SLC22A23: variants seen among roughly 807,000 people sequenced by gnomAD.
SLC22A23 encodes solute carrier family 22 member 23.
SLC22A23 carries 26 observed loss-of-function variants against 61.0 expected under a neutral mutation model. That is an observed-to-expected ratio of 0.43 (90% CI 0.31 to 0.59). The LOEUF is 0.59. SLC22A23 is among the 20% of genes least tolerant of loss of function. The probability of loss-of-function intolerance (pLI) is 0.11; values close to 1 mark genes in which losing one functional copy is unlikely to be tolerated. For synonymous variants in SLC22A23, 430 were observed against 413.9 expected, an observed-to-expected ratio of 1.04 and a Z score of -0.47; for missense variants, 796 against 934.7, an observed-to-expected ratio of 0.85 and a Z score of 1.94.
At chr6:3,413,502 G>A (rs1030252322) in intron 2 of SLC22A23, among the ~76,000 whole-genome samples, 3 of 152,234 alleles carry the variant, frequency 2.0e-5, no homozygotes, top group African/African-American at 7.2e-5. Flanking sequence ...CAAACACAGC[G>A]AAGAAGTGAG....
rs1027755992 is a variant in SLC22A23, at chr6:3,309,746, G to A, written c.1083-11528C>T. 6.6e-6 allele frequency among the ~76,000 whole-genome samples: 1 copy of A among 152,240 alleles called. No homozygotes were observed. Among genetic ancestry groups the A allele is most frequent in the African/African-American group, 2.4e-5 (1 of 41,466 alleles). ...TCACACAGAAGTACCTGCTGCCACA[G>A]GGATGGCTCTCCAATCACTCACCAG... On this transcript the variant is annotated intron_variant, in intron 4 of 9. Transcript: ENST00000406686. This position sits in a 1 kb window ranked among gnomAD's most constrained non-coding sequence, Gnocchi z 4.7.
intron 3 of SLC22A23, among the ~76,000 whole-genome samples, chr6:3,338,320 G>C (rs1418081423): frequency 6.6e-6 from 1 of 152,196 alleles, no homozygotes; most frequent in Non-Finnish European, 1.5e-5. Context: ...CTTTTCTCCT[G>C]TTAATCTGCC....
chr6:3,299,121 G>A (rs1761389256), intron 4 of SLC22A23, among the ~76,000 whole-genome samples: 1 of 151,996 alleles, frequency 6.6e-6, no homozygotes, highest in South Asian at 2.1e-4. Flanking sequence ...CGATTACTAT[G>A]TGTCAATTAC....
chr6:3,449,100 A>G (rs9378797), intron 1 of SLC22A23, among the ~76,000 whole-genome samples: 106,674 of 152,146 alleles, frequency 0.7, 37,549 homozygotes, highest in South Asian at 0.77. Flanking sequence ...AAGCAAGTCA[A>G]CGTCTGCATG....
intron 1 of SLC22A23, among the ~76,000 whole-genome samples, chr6:3,428,956 A>AG: frequency 7.4e-6 from 1 of 134,934 alleles, no homozygotes; most frequent in East Asian, 2.5e-4. Flanking sequence ...AGTCCTGAAG[A>AG]GGGGGCTCTG....
At chr6:3,279,295 G>A (rs891915415) in intron 9 of SLC22A23, among the ~76,000 whole-genome samples, 7 of 151,476 alleles carry the variant, frequency 4.6e-5, no homozygotes, top group Non-Finnish European at 7.4e-5. Flanking sequence ...GGCAGATCAC[G>A]AGGTCAGGAG....
chr6:3,453,748 A>G (rs1422659933), intron 1 of SLC22A23, among the ~76,000 whole-genome samples: 9 of 152,242 alleles, frequency 5.9e-5, no homozygotes, highest in Non-Finnish European at 1.3e-4. Flanking sequence ...CAGAGCAGGA[A>G]AGAGGCACAA....
chr6:3,306,199 TAGAG>T (rs902241314), intron 4 of SLC22A23, among the ~76,000 whole-genome samples: 4 of 152,048 alleles, frequency 2.6e-5, no homozygotes, highest in Non-Finnish European at 4.4e-5. Flanking sequence ...AATGGCCTAA[TAGAG>T]AGAGCTCACT....
intron 2 of SLC22A23, among the ~76,000 whole-genome samples, chr6:3,411,473 G>A (rs1234957233): frequency 6.6e-6 from 1 of 152,132 alleles, no homozygotes; most frequent in Non-Finnish European, 1.5e-5. Context: ...TCCAGGACTG[G>A]GGGGTGATGT....
intron 1 of SLC22A23, among the ~76,000 whole-genome samples, chr6:3,437,405 C>T (rs987149701): frequency 2.6e-5 from 4 of 152,106 alleles, no homozygotes; most frequent in Admixed American, 6.5e-5. Flanking sequence ...AGGCCAGGCG[C>T]GGTGGCTCAC....
chr6:3,284,446 C>T (rs1263193486), intron 8 of SLC22A23, among the ~76,000 whole-genome samples: 2 of 152,322 alleles, frequency 1.3e-5, no homozygotes, highest in South Asian at 2.1e-4. Flanking sequence ...TCAAAGCCCT[C>T]GTAAATGGCA....
chr6:3,298,263 A>G, intron 4 of SLC22A23, 45 bp from the exon 5 acceptor site: 1 of 1,564,550 alleles, frequency 6.4e-7, no homozygotes. Context: ...CCGATTCTGC[A>G]CGGCACCGGG....
chr6:3,420,765 A>G (rs1027642130), intron 1 of SLC22A23, among the ~76,000 whole-genome samples: 5 of 152,252 alleles, frequency 3.3e-5, no homozygotes, highest in Non-Finnish European at 7.3e-5. Context: ...ATGATTAACC[A>G]TATATGAAAC....
At chr6:3,420,298 G>T (rs1247577904) in intron 1 of SLC22A23, among the ~76,000 whole-genome samples, 1 of 150,278 alleles carries the variant, frequency 6.7e-6, no homozygotes, top group Non-Finnish European at 1.5e-5. Flanking sequence ...ATAAGCTAAA[G>T]AAAATACCAT....
chr6:3,314,280 G>A (rs938282873), intron 4 of SLC22A23, among the ~76,000 whole-genome samples: 7 of 152,174 alleles, frequency 4.6e-5, no homozygotes, highest in African/African-American at 9.7e-5. Flanking sequence ...AGGGCCCTCC[G>A]CTTGCCCGGC....
At chr6:3,369,955 A>G (rs1454369764) in intron 3 of SLC22A23, among the ~76,000 whole-genome samples, 3 of 152,244 alleles carry the variant, frequency 2.0e-5, no homozygotes, top group Non-Finnish European at 2.9e-5. Flanking sequence ...ACAAAAACTC[A>G]GTATGCTGTA....
intron 3 of SLC22A23, among the ~76,000 whole-genome samples, chr6:3,384,940 T>G (rs187931339): frequency 6.6e-6 from 1 of 152,160 alleles, no homozygotes; most frequent in African/African-American, 2.4e-5. Flanking sequence ...CTGCAACATG[T>G]CTGAACATGG....
Position 3,456,018 on chromosome 6 carries a change from T to A in SLC22A23, c.542A>T (p.Asp181Val). 1.3e-6 allele frequency: 2 copies of A among 1,546,856 alleles called. No homozygotes were observed. The highest frequency in any genetic ancestry group is 1.7e-6 in the Non-Finnish European group (2 of 1,146,772). Residue 181 changes from aspartate (D) to valine (V), a missense_variant, in exon 1 of 10, where the codon GAC becomes GTC. Physicochemically the swap from Asp to Val is radical, Grantham distance 152. Coordinates refer to ENST00000406686, the MANE Select transcript of SLC22A23 (RefSeq NM_015482.2). This position sits in a 1 kb window ranked among gnomAD's most constrained non-coding sequence, Gnocchi z 7.1. ...CGGAGGGGATGGCAGGGGTGGTGTG[T>A]CGCCTCCGTCCGCGCCGCTGCTGTT... Reference protein sequence around the residue: ...RSNSSGADGGDTPPLPSPPDK... With the variant: ...RSNSSGADGGVTPPLPSPPDK...
At chr6:3,405,244 G>A (rs1406194261) in intron 3 of SLC22A23, among the ~76,000 whole-genome samples, 2 of 151,576 alleles carry the variant, frequency 1.3e-5, no homozygotes, top group African/African-American at 4.9e-5. Flanking sequence ...CCAGGCGACA[G>A]TGCGAGACTG....
Sources: allele counts gnomAD v4.1 joint callset (sites outside exome capture counted in the v4.1 genomes callset), GRCh38; gene constraint gnomAD v4.1.1; non-coding constraint Gnocchi (gnomAD v3.1); transcripts MANE v1.5; gene names NCBI Gene and HGNC (gene_info 2026-07-23, HGNC 2026-07-21).